RMND1: variants seen among roughly 807,000 people sequenced by gnomAD.
RMND1 encodes required for meiotic nuclear division protein 1 homolog.
In RMND1, 41 loss-of-function variants were observed where a neutral mutation model predicts 54.0. The ratio of observed to expected loss-of-function variants is 0.76; its 90% confidence interval spans 0.59 to 0.98. The LOEUF (loss-of-function observed/expected upper bound fraction) is 0.98. Ranked by LOEUF, RMND1 falls within the 50% of genes least tolerant of loss-of-function variation. RMND1 has a pLI of 0.00. For synonymous variants in RMND1, 183 were observed against 181.7 expected (o/e 1.01, Z -0.06); for missense variants, 457 against 532.0 (o/e 0.86, Z 1.39).
At chr6:151,426,856 G>A (rs925471218) in intron 6 of RMND1, among the ~76,000 whole-genome samples, 4 of 151,510 alleles carry the variant, frequency 2.6e-5, no homozygotes, top group Non-Finnish European at 5.9e-5. Flanking sequence ...TGCAACCTCC[G>A]CCTCCCAGGT....
chr6:151,439,219 C>T (rs1239336115), intron 2 of RMND1, among the ~76,000 whole-genome samples: 1 of 152,194 alleles, frequency 6.6e-6, no homozygotes, highest in Non-Finnish European at 1.5e-5. Flanking sequence ...AAATTACATA[C>T]TATCTATGTA....
At chr6:151,419,359 C>T (rs559667488) in intron 9 of RMND1, among the ~76,000 whole-genome samples, 2 of 152,150 alleles carry the variant, frequency 1.3e-5, no homozygotes, top group East Asian at 3.9e-4. Flanking sequence ...GCCACCGTGC[C>T]TGGCCTTACA....
intron 4 of RMND1, among the ~76,000 whole-genome samples, chr6:151,431,755 AATG>A (rs1017018522): frequency 4.6e-5 from 7 of 152,204 alleles, no homozygotes; most frequent in African/African-American, 1.7e-4. Context: ...TACATGTTGA[AATG>A]ATAATATTTT....
At chr6:151,443,108 ATGGTATAAAG>A (rs1273240495) in intron 2 of RMND1, among the ~76,000 whole-genome samples, 3 of 152,128 alleles carry the variant, frequency 2.0e-5, no homozygotes, top group Non-Finnish European at 2.9e-5. Flanking sequence ...TACCATTTTG[ATGGTATAAAG>A]TGGTATAAAG....
chr6:151,436,284 TCTTAA>T, intron 3 of RMND1, 157 bp downstream of exon 3: 2 of 710,824 alleles, frequency 2.8e-6, no homozygotes, highest in Non-Finnish European at 4.5e-6. Context: ...ACATTTTAAT[TCTTAA>T]CTTTGTCATC....
At chr6:151,449,555 C>T (rs1458694863) in intron 1 of RMND1, among the ~76,000 whole-genome samples, 1 of 152,098 alleles carries the variant, frequency 6.6e-6, no homozygotes, top group African/African-American at 2.4e-5. Flanking sequence ...ACCCTCACCT[C>T]CTTCAGATGT....
At chr6:151,409,548 C>T (rs774930360) in intron 10 of RMND1, among the ~76,000 whole-genome samples, 15 of 152,132 alleles carry the variant, frequency 9.9e-5, no homozygotes, top group African/African-American at 2.9e-4. Context: ...ATATTTCTTG[C>T]GGACATACTG....
intron 1 of RMND1, among the ~76,000 whole-genome samples, chr6:151,448,188 G>A (rs1781019961): frequency 6.6e-6 from 1 of 151,994 alleles, no homozygotes; most frequent in South Asian, 2.1e-4. Context: ...TATCAGACAG[G>A]GCCCTATTGT....
chr6:151,452,043 G>A lies in RMND1; in HGVS notation c.-42C>T. On this transcript the variant is annotated 5_prime_UTR_variant, in exon 1 of 12. Coordinates refer to ENST00000444024, the MANE Select transcript of RMND1 (RefSeq NM_017909.4). ...CTCCGCCGGAAGAGAAGAAGGAAGC[G>A]CCAGGGACGCACGCTTCCTCGGCAG... 6.2e-6 allele frequency: 1 copy of A among 161,796 alleles called. No individual in the cohort carries two copies. The highest frequency in any genetic ancestry group is 1.4e-4 in the South Asian group (1 of 7,370). The allele number at this position is 161,796 out of a possible 1,614,324, so 10.0% of individuals were successfully genotyped here. A position where few individuals can be genotyped will look rare whatever the true frequency, so the allele number is the denominator to read the frequency against.
chr6:151,444,987 TA>T (rs768737222), intron 2 of RMND1: 158 of 218,112 alleles, frequency 7.2e-4, no homozygotes, highest in African/African-American at 3.5e-3. Flanking sequence ...TTTTTTATTT[TA>T]TTTTTTTTTA....
intron 1 of RMND1, among the ~76,000 whole-genome samples, chr6:151,447,034 A>G (rs1780973007): frequency 6.6e-6 from 1 of 152,214 alleles, no homozygotes; most frequent in Non-Finnish European, 1.5e-5. Context: ...AGATGCACAA[A>G]TTGCTCTAGT....
At chr6:151,430,005 T>G in intron 5 of RMND1, 133 bp downstream of exon 5, 1 of 610,166 alleles carries the variant, frequency 1.6e-6, no homozygotes, top group Non-Finnish European at 3.0e-6. Flanking sequence ...AACTGATAAG[T>G]ATCATGTAAT....
chr6:151,450,455 G>GGGTTAGCCCCCCGCCT (rs71014587), intron 1 of RMND1, among the ~76,000 whole-genome samples: 5 of 89,374 alleles, frequency 5.6e-5, no homozygotes, highest in African/African-American at 2.5e-4. Context: ...GGAGGTGGGG[G>GGGTTAGCCCCCCGCCT]GGCCAGCCCC....
At chr6:151,414,710 A>G (rs1484868545) in intron 10 of RMND1, among the ~76,000 whole-genome samples, 1 of 152,242 alleles carries the variant, frequency 6.6e-6, no homozygotes, top group Non-Finnish European at 1.5e-5. Flanking sequence ...TCAATCAACT[A>G]GAAGATGAAA....
chr6:151,433,952 C>A (rs1469970525), intron 3 of RMND1, among the ~76,000 whole-genome samples: 1 of 139,098 alleles, frequency 7.2e-6, no homozygotes, highest in Non-Finnish European at 1.5e-5. Context: ...CCCCCCCGCC[C>A]CACCCACCTC....
Position 151,418,272 on chromosome 6 carries a change from G to A in RMND1, c.1080-873C>T, listed in dbSNP as rs576410643. On this transcript the variant is annotated intron_variant, in intron 9 of 11. Transcript: ENST00000444024. ...CTACAAAAAATACAAGAACTAGCCA[G>A]GTGTGGTGGTGTATGCCTGTAGTCC... is the stretch of plus-strand genomic sequence containing the variant. Among the ~76,000 whole-genome samples the A allele has an allele frequency of 2.2e-3, 329 of 152,236 alleles. 1 individual carries two copies. Among genetic ancestry groups the A allele is most frequent in the African/African-American group, 7.6e-3 (315 of 41,572 alleles).
rs775419597 is a variant in RMND1 at position 151,433,142 on chromosome 6, T to C, written c.689+13A>G. The C allele has an allele frequency of 2.1e-5, 33 of 1,594,838 alleles. No individual in the cohort carries two copies. Among genetic ancestry groups the C allele is most frequent in the Non-Finnish European group, 2.8e-5 (33 of 1,165,082 alleles). ...ACCCATCATCACCTAATGGGGTTTC[T>C]TTCCTGTCTTACCTGAAGAAGAATA... On this transcript the variant is annotated intron_variant, in intron 4 of 11. Transcript: ENST00000444024.
intron 9 of RMND1, among the ~76,000 whole-genome samples, 197 bp from the exon 10 acceptor site, chr6:151,417,596 T>C (rs1169983577): frequency 1.3e-5 from 2 of 151,990 alleles, no homozygotes; most frequent in African/African-American, 4.8e-5. Flanking sequence ...GCTCAAGCTG[T>C]TCTCCTGCCT....
At chr6:151,433,567 A>C (rs1205165707) in intron 3 of RMND1, among the ~76,000 whole-genome samples, 1 of 152,234 alleles carries the variant, frequency 6.6e-6, no homozygotes, top group African/African-American at 2.4e-5. Context: ...AGTGTCAAGA[A>C]TTAAACTTCT....
Sources: gnomAD v4.1 joint callset for allele counts (sites outside exome capture counted in the v4.1 genomes callset) on GRCh38, gnomAD v4.1.1 for gene constraint, MANE v1.5 for transcripts, NCBI Gene and HGNC (gene_info 2026-07-23, HGNC 2026-07-21) for gene names.